CFAP54: variants seen among roughly 807,000 people sequenced by gnomAD.
The protein encoded by CFAP54 is cilia and flagella associated protein 54.
Under a neutral mutation model 370.4 loss-of-function variants are expected in CFAP54, and 290 were observed. That is an observed-to-expected ratio of 0.78 (90% CI 0.71 to 0.86). The LOEUF (loss-of-function observed/expected upper bound fraction) is 0.86. CFAP54 is among the 40% of genes least tolerant of loss of function. The pLI is 0.00. For synonymous variants in CFAP54, 1,206 were observed against 1,236.5 expected (o/e 0.98, Z 0.52); for missense variants, 3,399 against 3,528.7 (o/e 0.96, Z 0.93).
At chr12:96,805,403 T>A (rs1368144869) in intron 63 of CFAP54, among the ~76,000 whole-genome samples, 2 of 151,498 alleles carry the variant, frequency 1.3e-5, no homozygotes, top group Non-Finnish European at 3.0e-5. Context: ...AAAAAAACCA[T>A]TAAAAAGTGG....
chr12:96,760,350 TAC>T (rs1958320836), intron 58 of CFAP54, among the ~76,000 whole-genome samples: 1 of 152,168 alleles, frequency 6.6e-6, no homozygotes, highest in African/African-American at 2.4e-5. Context: ...TTAGTAAATT[TAC>T]AGAGTTGTTC....
chr12:96,632,265 T>A (rs914652787), intron 32 of CFAP54, among the ~76,000 whole-genome samples: 1 of 152,042 alleles, frequency 6.6e-6, no homozygotes, highest in Non-Finnish European at 1.5e-5. Flanking sequence ...TAAAGTTTTT[T>A]AATAATTAAT....
chr12:96,636,630 T>A (rs1956666652), intron 32 of CFAP54, among the ~76,000 whole-genome samples: 1 of 152,204 alleles, frequency 6.6e-6, no homozygotes, highest in African/African-American at 2.4e-5. Context: ...ACCTTTGCTT[T>A]TATGTTTATT....
chr12:96,623,292 C>T (rs868169462), intron 27 of CFAP54, among the ~76,000 whole-genome samples: 1 of 151,908 alleles, frequency 6.6e-6, no homozygotes, highest in Non-Finnish European at 1.5e-5. Context: ...GATTCTTAAT[C>T]CACTAATTGC....
chr12:96,663,582 C>G (rs1188169059), intron 38 of CFAP54, among the ~76,000 whole-genome samples: 2 of 152,130 alleles, frequency 1.3e-5, no homozygotes, highest in East Asian at 3.8e-4. Flanking sequence ...AAATCATATT[C>G]TAATTGCTCT....
chr12:96,541,597 C>G (rs1423653256), intron 14 of CFAP54, among the ~76,000 whole-genome samples: 2 of 152,144 alleles, frequency 1.3e-5, no homozygotes, highest in Non-Finnish European at 2.9e-5. Flanking sequence ...CCTCTCCTCT[C>G]TTTTATCTTC....
At chr12:96,505,060 T>G (rs1172009887) in intron 3 of CFAP54, among the ~76,000 whole-genome samples, 1 of 151,508 alleles carries the variant, frequency 6.6e-6, no homozygotes, top group East Asian at 1.9e-4. Flanking sequence ...TCTTCCTTTC[T>G]TTCCTTTCTT....
At position 96,704,773 on chromosome 12, in the gene CFAP54, C is replaced by G. The variant is rs754560853; in HGVS notation, c.6505C>G (p.Leu2169Val). Residue 2169 changes from leucine to valine, a missense_variant, in exon 47 of 68, where the codon CTT (leucine) becomes GTT (valine). Around this residue, in one of 3 missense-constraint regions of CFAP54, gnomAD observed 2,796 missense variants for 2,869.7 expected, o/e 0.97. Coordinates refer to ENST00000524981, the MANE Select transcript of CFAP54 (RefSeq NM_001306084.2). ...TCAATCATTTGACTCAGGAAAACTT[C>G]TTACCAGTAAAGAAAATATACAGGT... ...IFQSFDSGKLLTSKENIQAID... is the reference protein window; with the variant it reads ...IFQSFDSGKLVTSKENIQAID... The G allele has an allele frequency of 8.3e-7, 1 of 1,199,170 alleles. No individual in the cohort carries two copies. Among genetic ancestry groups the G allele is most frequent in the Non-Finnish European group, 1.2e-6 (1 of 864,516 alleles). 74.3% of individuals were successfully genotyped at this position (1,199,170 alleles called of 1,614,324 possible). A position where few individuals can be genotyped will look rare whatever the true frequency, so the allele number is the denominator to read the frequency against.
chr12:96,853,903 C>T (rs1959625773), intron 66 of CFAP54, among the ~76,000 whole-genome samples: 2 of 151,370 alleles, frequency 1.3e-5, no homozygotes, highest in African/African-American at 4.9e-5. Context: ...TCTGGAGGCT[C>T]AATGACAAGG....
intron 58 of CFAP54, among the ~76,000 whole-genome samples, chr12:96,759,984 A>G (rs1388491346): frequency 6.6e-6 from 1 of 152,204 alleles, no homozygotes; most frequent in African/African-American, 2.4e-5. Context: ...TCATTTATTT[A>G]CTCATGAACT....
At chr12:96,781,718 G>A (rs1958582806) in intron 60 of CFAP54, among the ~76,000 whole-genome samples, 1 of 151,938 alleles carries the variant, frequency 6.6e-6, no homozygotes, top group African/African-American at 2.4e-5. Context: ...TAAAAATAGG[G>A]GAACTAAAAA....
intron 62 of CFAP54, among the ~76,000 whole-genome samples, chr12:96,789,907 TA>T (rs1958670180): frequency 6.6e-6 from 1 of 152,180 alleles, no homozygotes; most frequent in African/African-American, 2.4e-5. Flanking sequence ...TATACATATA[TA>T]AACTCCAAGC....
chr12:96,856,053 C>T (rs1369402248), intron 66 of CFAP54, among the ~76,000 whole-genome samples: 1 of 152,200 alleles, frequency 6.6e-6, no homozygotes, highest in East Asian at 1.9e-4. Flanking sequence ...CATGTGGAAA[C>T]TGCCAAGGCT....
intron 46 of CFAP54, among the ~76,000 whole-genome samples, chr12:96,703,661 C>G (rs978739253): frequency 2.0e-5 from 3 of 151,332 alleles, no homozygotes; most frequent in African/African-American, 4.9e-5. Context: ...ACAAGTAATA[C>G]ACCAAAAAGG....
At chr12:96,641,943 G>T (rs571257788) in intron 32 of CFAP54, among the ~76,000 whole-genome samples, 29 of 111,410 alleles carry the variant, frequency 2.6e-4, no homozygotes, top group African/African-American at 7.5e-4. Flanking sequence ...TGGTGCGGGG[G>T]GGGAGGGATA....
At chr12:96,861,043 GT>G in intron 67 of CFAP54, 91 bp downstream of exon 67, 2 of 962,450 alleles carry the variant, frequency 2.1e-6, no homozygotes, top group Non-Finnish European at 1.4e-6. Context: ...ACATAAAATT[GT>G]TTTTTTACAC....
chr12:96,801,542 G>C (rs561326403), intron 63 of CFAP54, among the ~76,000 whole-genome samples: 7 of 152,154 alleles, frequency 4.6e-5, no homozygotes, highest in Non-Finnish European at 1.0e-4. Flanking sequence ...CAGTTTAACT[G>C]TAAGAAGATG....
chr12:96,662,745 T>C (rs1222182370), intron 38 of CFAP54, among the ~76,000 whole-genome samples: 1 of 152,100 alleles, frequency 6.6e-6, no homozygotes, highest in Non-Finnish European at 1.5e-5. Flanking sequence ...TGTTCCTGCC[T>C]CAGGGTCTTT....
chr12:96,735,261 G>A (rs1206753589), intron 50 of CFAP54, among the ~76,000 whole-genome samples: 1 of 152,058 alleles, frequency 6.6e-6, no homozygotes, highest in African/African-American at 2.4e-5. Context: ...TTTTTCAAAT[G>A]TAACCCATAG....
Sources: gnomAD v4.1 joint callset for allele counts (sites outside exome capture counted in the v4.1 genomes callset) on GRCh38, gnomAD v4.1.1 for gene constraint, gnomAD v4.1.1 regional missense constraint, MANE v1.5 for transcripts, NCBI Gene and HGNC (gene_info 2026-07-23, HGNC 2026-07-21) for gene names.